Variants in SNTB2 observed in about 807,000 individuals in gnomAD.
The protein encoded by SNTB2 is syntrophin beta 2.
Under a neutral mutation model 46.2 loss-of-function variants are expected in SNTB2, and 34 were observed. The ratio of observed to expected loss-of-function variants is 0.74; its 90% confidence interval spans 0.56 to 0.98. The LOEUF is 0.98. Ranked by LOEUF, SNTB2 falls within the 50% of genes least tolerant of loss-of-function variation. The pLI is 0.00. For missense variants in SNTB2, 603 were observed against 731.4 expected (o/e 0.82, Z 2.02); for synonymous variants, 290 against 312.6 (o/e 0.93, Z 0.76).
At chr16:69,287,291 C>T (rs769392315) in intron 5 of SNTB2, among the ~76,000 whole-genome samples, 17 of 151,908 alleles carry the variant, frequency 1.1e-4, no homozygotes, top group Non-Finnish European at 2.2e-4. Context: ...AGGCTGGGGC[C>T]GGACGCGGTG....
In SNTB2 at chr16:69,245,980, C is replaced by T. The variant is rs909246358; in HGVS notation, c.794+165C>T. ...CATTTTAAGTTATTCTACATATATA[C>T]ATGTATATGTGTAGAAAAAATTTTG... On this transcript the variant is annotated intron_variant, in intron 2 of 6. Transcript: ENST00000336278. Among the ~76,000 whole-genome samples, 14 of 152,130 alleles carry T rather than the reference C, an allele frequency of 9.2e-5. No homozygotes were observed. The East Asian group carries it at 2.7e-3, about 29-fold the overall frequency.
At chr16:69,295,469 C>T (rs1220194662) in intron 5 of SNTB2, among the ~76,000 whole-genome samples, 6 of 151,070 alleles carry the variant, frequency 4.0e-5, no homozygotes, top group Admixed American at 2.6e-4. Flanking sequence ...AGGCTGGTGT[C>T]GAACTCCTGA....
chr16:69,304,997 G>T lies in SNTB2; in HGVS notation c.*4073G>T, dbSNP rs1965306008. 6.6e-6 allele frequency: 1 copy of T among 152,012 alleles called. No individual in the cohort carries two copies. Among genetic ancestry groups the T allele is most frequent in the Admixed American group, 6.6e-5 (1 of 15,256 alleles). The allele number at this position is 152,012 out of a possible 1,614,324, so 9.4% of individuals were successfully genotyped here. On this transcript the variant is annotated 3_prime_UTR_variant, in exon 7 of 7. Coordinates refer to ENST00000336278, the MANE Select transcript of SNTB2 (RefSeq NM_006750.4). ...AAATTATGCTTAAAAAAAAAATTAAGCTGTGTGGAATCTGGACAAGGCTAT... is the reference window on the plus strand; with the variant it reads ...AAATTATGCTTAAAAAAAAAATTAATCTGTGTGGAATCTGGACAAGGCTAT...
At position 69,299,772 on chromosome 16, in the gene SNTB2, C is replaced by T; in HGVS notation, c.1528C>T (p.Leu510=). ...GGATTTTGGTGGTCCCGAGGGAGAA[C>T]TGGTAAGAGTGTTTCTGAAACACAT... is the stretch of plus-strand genomic sequence containing the variant. ...YLDFGGPEGE[L]TMDLHSCPKP... Residue 510 remains leucine, a splice_region_variant and synonymous_variant, in exon 6 of 7, where the codon CTG becomes TTG. Coordinates refer to ENST00000336278, the MANE Select transcript of SNTB2 (RefSeq NM_006750.4). 1 of 1,613,706 alleles carries T rather than the reference C, an allele frequency of 6.2e-7. No homozygotes were observed. Among genetic ancestry groups the T allele is most frequent in the Non-Finnish European group, 8.5e-7 (1 of 1,179,754 alleles).
At chr16:69,249,463 T>C (rs1964704629) in intron 2 of SNTB2, among the ~76,000 whole-genome samples, 1 of 152,196 alleles carries the variant, frequency 6.6e-6, no homozygotes, top group South Asian at 2.1e-4. Context: ...GAAGATGATA[T>C]GACTTGGCTG....
chr16:69,204,857 A>G (rs192795607), intron 1 of SNTB2, among the ~76,000 whole-genome samples: 4 of 152,338 alleles, frequency 2.6e-5, no homozygotes, highest in African/African-American at 7.2e-5. Flanking sequence ...TGAAATTGCT[A>G]GTTTAACCAC....
At chr16:69,262,462 G>T (rs1173676494) in intron 3 of SNTB2, among the ~76,000 whole-genome samples, 2 of 151,280 alleles carry the variant, frequency 1.3e-5, no homozygotes. Flanking sequence ...TTGGTTTTTG[G>T]TTTTTTGTTT....
intron 1 of SNTB2, among the ~76,000 whole-genome samples, chr16:69,222,987 G>T (rs370888764): frequency 1.3e-5 from 2 of 151,772 alleles, no homozygotes; most frequent in South Asian, 2.1e-4. Flanking sequence ...TTTCACCACA[G>T]TGGCCAGGCT....
chr16:69,268,098 A>G (rs938383056), intron 3 of SNTB2, among the ~76,000 whole-genome samples: 5 of 152,184 alleles, frequency 3.3e-5, no homozygotes, highest in Admixed American at 3.3e-4. Flanking sequence ...TGAAGTTTAA[A>G]ACCTTTTTAG....
rs1199323058 is a variant in SNTB2 at position 69,292,429 on chromosome 16, TA to T, written c.1346-7160del. 2.1e-4 allele frequency among the ~76,000 whole-genome samples: 5 copies of T among 23,402 alleles called. 1 individual carries two copies. The highest frequency in any genetic ancestry group is 7.2e-4 in the African/African-American group (2 of 2,780). The allele number at this position is 23,402 out of a possible 152,430, so 15.4% of individuals were successfully genotyped here. A position where few individuals can be genotyped will look rare whatever the true frequency, so the allele number is the denominator to read the frequency against. On this transcript the variant is annotated intron_variant, in intron 5 of 6. Transcript: ENST00000336278. ...ATATTATATATATATTATATATATA[TA>T]TATATTATATATATATAATTTTTTT... is the stretch of plus-strand genomic sequence containing the variant.
At chr16:69,280,580 G>C (rs1001903957) in intron 4 of SNTB2, among the ~76,000 whole-genome samples, 3 of 149,716 alleles carry the variant, frequency 2.0e-5, no homozygotes. Context: ...CGGCTGGCCG[G>C]GCGGGGGGCT....
At chr16:69,188,493 G>C (rs2152287837) in intron 1 of SNTB2, among the ~76,000 whole-genome samples, 1 of 152,292 alleles carries the variant, frequency 6.6e-6, no homozygotes, top group Non-Finnish European at 1.5e-5. Context: ...TCAATAACCA[G>C]GATTATTCTT....
At chr16:69,288,567 CAA>C (rs1965128684) in intron 5 of SNTB2, among the ~76,000 whole-genome samples, 1 of 152,066 alleles carries the variant, frequency 6.6e-6, no homozygotes, top group East Asian at 1.9e-4. Flanking sequence ...CAGAGAAAAG[CAA>C]ACTCTTATAC....
Position 69,292,383 on chromosome 16 carries a change from ATATATATTATATATATATATATATT to A in SNTB2, c.1346-7206_1346-7182del, listed in dbSNP as rs1483146876. Among the ~76,000 whole-genome samples the A allele has an allele frequency of 2.5e-3, 42 of 16,538 alleles. 5 individuals carry two copies. The East Asian group carries it at 0.037, about 15-fold the overall frequency. 10.8% of individuals were successfully genotyped at this position (16,538 alleles called of 152,430 possible). A position where few individuals can be genotyped will look rare whatever the true frequency, so the allele number is the denominator to read the frequency against. On this transcript the variant is annotated intron_variant, in intron 5 of 6. Coordinates refer to ENST00000336278, the MANE Select transcript of SNTB2 (RefSeq NM_006750.4). ...ATATATATATATATATATATATTAT[ATATATATTATATATATATATATATT>A]ATATATATATTATATATATATATAT...
At chr16:69,296,507 G>A (rs1965225512) in intron 5 of SNTB2, among the ~76,000 whole-genome samples, 2 of 151,700 alleles carry the variant, frequency 1.3e-5, no homozygotes, top group Non-Finnish European at 1.5e-5. Context: ...GATTACCTGA[G>A]GTCAGGAGTT....
At chr16:69,215,799 C>G (rs1964341553) in intron 1 of SNTB2, among the ~76,000 whole-genome samples, 1 of 152,038 alleles carries the variant, frequency 6.6e-6, no homozygotes, top group Admixed American at 6.6e-5. Context: ...CAGAAAGGCT[C>G]AGAGGTTTTT....
At chr16:69,206,440 G>T (rs11643850) in intron 1 of SNTB2, among the ~76,000 whole-genome samples, 21,895 of 151,954 alleles carry the variant, frequency 0.14, 1,705 homozygotes, top group Middle Eastern at 0.23. Flanking sequence ...GGTGGCTCAC[G>T]CCTGTAATCC....
rs370684839 is a variant in SNTB2 at position 69,192,107 on chromosome 16, A to C, written c.580+4361A>C. 2.0e-5 allele frequency among the ~76,000 whole-genome samples: 3 copies of C among 152,332 alleles called. No homozygotes were observed. In the East Asian group the frequency reaches 5.8e-4, roughly 29 times the overall value. On this transcript the variant is annotated intron_variant, in intron 1 of 6. Transcript: ENST00000336278. ...GATGGGAACAGAATTTTGGGTTGGC[A>C]GCAGTGGAAGCACTGGATGCAGTGC...
chr16:69,222,414 G>A lies in SNTB2; in HGVS notation c.581-23188G>A, dbSNP rs1011960777. Among the ~76,000 whole-genome samples, 12 of 152,076 alleles carry A rather than the reference G, an allele frequency of 7.9e-5. No homozygotes were observed. The South Asian group carries it at 2.1e-3, about 26-fold the overall frequency. ...TCGACATCAGCCTGGCCAACATGGTGAAACCCCGTCTCTACTAAAAATACA... is the reference window on the plus strand; with the variant it reads ...TCGACATCAGCCTGGCCAACATGGTAAAACCCCGTCTCTACTAAAAATACA... On this transcript the variant is annotated intron_variant, in intron 1 of 6. Transcript: ENST00000336278.
Sources: allele counts gnomAD v4.1 joint callset (sites outside exome capture counted in the v4.1 genomes callset), GRCh38; gene constraint gnomAD v4.1.1; transcripts MANE v1.5; gene names NCBI Gene and HGNC (gene_info 2026-07-23, HGNC 2026-07-21).